Variants in PITPNM3 observed in about 807,000 individuals in gnomAD.
PITPNM3 encodes the protein membrane-associated phosphatidylinositol transfer protein 3.
A neutral mutation model predicts 102.0 loss-of-function variants in PITPNM3; 26 were observed. The observed-to-expected ratio is 0.25, with a 90% CI of 0.19 to 0.35. The LOEUF (loss-of-function observed/expected upper bound fraction) is 0.35, where lower values mean the gene tolerates loss of function less well. Among genes scored for constraint, PITPNM3 ranks in the 10% least tolerant of loss-of-function variants. The pLI is 1.00. For synonymous variants in PITPNM3, 578 were observed against 558.6 expected, an observed-to-expected ratio of 1.03 and a Z score of -0.49; for missense variants, 1,083 against 1,346.1, an observed-to-expected ratio of 0.80 and a Z score of 3.06.
Position 6,457,846 on chromosome 17 carries a change from C to A in PITPNM3, c.2491-124G>T. The A allele has an allele frequency of 7.4e-7, 1 of 1,349,466 alleles. No individual in the cohort carries two copies. The allele number at this position is 1,349,466 out of a possible 1,614,324, so 83.6% of individuals were successfully genotyped here. A position where few individuals can be genotyped will look rare whatever the true frequency, so the allele number is the denominator to read the frequency against. Reference sequence around the variant, plus strand: ...TATGTGCACTCTGGTAGACTCCAAGCCATGGGGCCACCCTGTGTCAGGAAT... The same window carrying A: ...TATGTGCACTCTGGTAGACTCCAAGACATGGGGCCACCCTGTGTCAGGAAT... On this transcript the variant is annotated intron_variant, in intron 18 of 19. Coordinates refer to ENST00000262483, the MANE Select transcript of PITPNM3 (RefSeq NM_031220.4). This position sits in a 1 kb window ranked among gnomAD's most constrained non-coding sequence, Gnocchi z 4.7.
intron 4 of PITPNM3, among the ~76,000 whole-genome samples, chr17:6,498,557 G>C (rs1477675118): frequency 6.6e-6 from 1 of 152,180 alleles, no homozygotes; most frequent in Non-Finnish European, 1.5e-5. Flanking sequence ...GAGGCCGGGA[G>C]GCAGGGAGGC....
chr17:6,473,795 G>A (rs1452985289), intron 10 of PITPNM3, among the ~76,000 whole-genome samples: 3 of 152,002 alleles, frequency 2.0e-5, no homozygotes, highest in Non-Finnish European at 4.4e-5. Flanking sequence ...TGGCCAACAT[G>A]GTGAAACTCC....
At chr17:6,543,508 T>C (rs1909842035) in intron 1 of PITPNM3, among the ~76,000 whole-genome samples, 1 of 152,192 alleles carries the variant, frequency 6.6e-6, no homozygotes, top group Non-Finnish European at 1.5e-5. Context: ...GGGAAGACAT[T>C]TCACAGTGAG....
rs555227591 is a variant in PITPNM3, at chr17:6,555,167, G to C, written c.22+1218C>G. Among the ~76,000 whole-genome samples the C allele has an allele frequency of 5.7e-4, 87 of 152,200 alleles. 1 individual carries two copies. Among genetic ancestry groups the C allele is most frequent in the Non-Finnish European group, 1.0e-3 (71 of 68,040 alleles). ...GGGGAAAAGGGAGGGGAGTGAGAAG[G>C]CTGTTTAGCTGTGTTCCATACTGGC... On this transcript the variant is annotated intron_variant, in intron 1 of 19. Coordinates refer to ENST00000262483, the MANE Select transcript of PITPNM3 (RefSeq NM_031220.4).
chr17:6,482,066 G>GTCTCTCTCTCTCTCTCTCTGTC, intron 6 of PITPNM3, among the ~76,000 whole-genome samples: 1 of 47,824 alleles, frequency 2.1e-5, no homozygotes, highest in Non-Finnish European at 4.3e-5. Flanking sequence ...CTCTCTCTCT[G>GTCTCTCTCTCTCTCTCTCTGTC]TCTCTCTCTC....
chr17:6,478,504 C>A lies in PITPNM3; in HGVS notation c.777+43G>T. 5 of 1,606,946 alleles carry A rather than the reference C, an allele frequency of 3.1e-6. No homozygotes were observed. The highest frequency in any genetic ancestry group is 1.1e-5 in the South Asian group (1 of 90,806). On this transcript the variant is annotated intron_variant, in intron 7 of 19. Transcript: ENST00000262483. This position sits in a 1 kb window ranked among gnomAD's most constrained non-coding sequence, Gnocchi z 4.4. Reference sequence around the variant, plus strand: ...TCCAGCCTCTCTCCCAGGCCGGGGCCGGAACAGGGGAGGGGAGAGGAGGAG... The same window carrying A: ...TCCAGCCTCTCTCCCAGGCCGGGGCAGGAACAGGGGAGGGGAGAGGAGGAG...
chr17:6,540,206 C>G (rs369375725), intron 1 of PITPNM3, among the ~76,000 whole-genome samples: 48 of 152,314 alleles, frequency 3.2e-4, no homozygotes, highest in African/African-American at 1.1e-3. Flanking sequence ...TCAAAGGGGC[C>G]TCTCATTCCA....
At chr17:6,477,283 TC>T in intron 8 of PITPNM3, 70 bp from the exon 9 acceptor site, 1 of 1,512,016 alleles carries the variant, frequency 6.6e-7, no homozygotes. Context: ...CCTTGTCTCC[TC>T]CCCCCAAGCA....
chr17:6,482,052 CTCTCTCTCTCTCTG>C (rs1348693213), intron 6 of PITPNM3, among the ~76,000 whole-genome samples: 11 of 108,432 alleles, frequency 1.0e-4, no homozygotes, highest in Non-Finnish European at 1.4e-4. Flanking sequence ...CTCTCTCTCT[CTCTCTCTCTCTCTG>C]TCTCTCTCTC....
In PITPNM3 at chr17:6,534,631, G is replaced by A. The variant is rs932065825; in HGVS notation, c.118+3356C>T. ...TGGTGGGGGGCAGGGGGTCCCTTTGGTGCTGTGGCCTCAGTTTCCCTATTA... is the reference window on the plus strand; with the variant it reads ...TGGTGGGGGGCAGGGGGTCCCTTTGATGCTGTGGCCTCAGTTTCCCTATTA... On this transcript the variant is annotated intron_variant, in intron 2 of 19. Transcript: ENST00000262483. 1.2e-4 allele frequency among the ~76,000 whole-genome samples: 18 copies of A among 152,216 alleles called. 1 individual carries two copies. In the South Asian group the frequency reaches 2.3e-3, roughly 19 times the overall value.
chr17:6,483,814 G>A (rs1296014817), intron 5 of PITPNM3, 62 bp from the exon 6 acceptor site: 3 of 1,386,854 alleles, frequency 2.2e-6, no homozygotes, highest in South Asian at 1.2e-5. Flanking sequence ...GAGGCACACA[G>A]GGACACACAC....
intron 4 of PITPNM3, among the ~76,000 whole-genome samples, chr17:6,499,318 A>T (rs1303701933): frequency 6.6e-6 from 1 of 152,210 alleles, no homozygotes; most frequent in Non-Finnish European, 1.5e-5. Flanking sequence ...GCCACTGCAG[A>T]CAAGCCCTTG....
Position 6,556,301 on chromosome 17 carries a change from T to G in PITPNM3, c.22+84A>C. ...GACCTCCGCCCACCTGCGCGAGGGG[T>G]TCACCTGGGCCGGCGGCCCCTCCTC... On this transcript the variant is annotated intron_variant, in intron 1 of 19. Transcript: ENST00000262483. This position sits in a 1 kb window ranked among gnomAD's most constrained non-coding sequence, Gnocchi z 5.2. 8.2e-7 allele frequency: 1 copy of G among 1,219,704 alleles called. No homozygotes were observed. The highest frequency in any genetic ancestry group is 1.1e-6 in the Non-Finnish European group (1 of 921,632). 75.6% of individuals were successfully genotyped at this position (1,219,704 alleles called of 1,614,324 possible).
Position 6,556,357 on chromosome 17 carries a change from G to A in PITPNM3, c.22+28C>T. On this transcript the variant is annotated intron_variant, in intron 1 of 19. Coordinates refer to ENST00000262483, the MANE Select transcript of PITPNM3 (RefSeq NM_031220.4). The surrounding 1 kb of genome is among the most constrained non-coding windows in gnomAD (Gnocchi z 5.2). The stretch of plus-strand genomic sequence containing the variant: ...GCGCGAGTCCCTCCCCCGGGCCCCG[G>A]CCCTGCCCTCCCCGCGCCCGCCCTC... 1 of 1,401,730 alleles carries A rather than the reference G, an allele frequency of 7.1e-7. No individual in the cohort carries two copies. 86.8% of individuals were successfully genotyped at this position (1,401,730 alleles called of 1,614,324 possible).
intron 3 of PITPNM3, among the ~76,000 whole-genome samples, chr17:6,522,680 C>T (rs1908605546): frequency 6.6e-6 from 1 of 152,160 alleles, no homozygotes; most frequent in South Asian, 2.1e-4. Context: ...TGTCTAAGGG[C>T]AGGCAACTTG....
intron 4 of PITPNM3, among the ~76,000 whole-genome samples, chr17:6,485,005 T>C (rs1905989529): frequency 6.6e-6 from 1 of 152,130 alleles, no homozygotes; most frequent in African/African-American, 2.4e-5. Flanking sequence ...CTCCCCCGGT[T>C]CTCTGGCCTT....
At chr17:6,456,948 C>A (rs1486522590) in intron 19 of PITPNM3, among the ~76,000 whole-genome samples, 1 of 152,188 alleles carries the variant, frequency 6.6e-6, no homozygotes, top group Non-Finnish European at 1.5e-5. Context: ...GCTTTTCTTT[C>A]CTTCCTCTGA....
chr17:6,481,853 TAGAGAGAGAGAGAGAGAGAGAGAGAG>T (rs369845541), intron 6 of PITPNM3: 12 of 68,520 alleles, frequency 1.8e-4, no homozygotes, highest in African/African-American at 4.7e-4. Flanking sequence ...AATAGAATGA[TAGAGAGAGAGAGAGAGAGAGAGAGAG>T]AGAGAGAGAG....
intron 9 of PITPNM3, 37 bp from the exon 10 acceptor site, chr17:6,474,641 G>A (rs1403388965): frequency 1.3e-6 from 2 of 1,542,866 alleles, no homozygotes; most frequent in South Asian, 1.2e-5. Flanking sequence ...GGGCAGGTCA[G>A]GGAAGGACCG....
Sources: allele counts gnomAD v4.1 joint callset (sites outside exome capture counted in the v4.1 genomes callset), GRCh38; gene constraint gnomAD v4.1.1; non-coding constraint Gnocchi (gnomAD v3.1); transcripts MANE v1.5; gene names NCBI Gene and HGNC (gene_info 2026-07-23, HGNC 2026-07-21).